Variants in RB1 observed in about 807,000 individuals in gnomAD.
The protein encoded by RB1 is retinoblastoma-associated protein.
In RB1, 18 loss-of-function variants were observed where a neutral mutation model predicts 135.4. The ratio of observed to expected loss-of-function variants is 0.13; its 90% CI spans 0.09 to 0.20. The LOEUF (loss-of-function observed/expected upper bound fraction) is 0.20, where lower values mean the gene tolerates loss of function less well. Ranked by LOEUF, RB1 falls within the 10% of genes least tolerant of loss-of-function variation. The pLI is 1.00. For missense variants in RB1, 868 were observed against 1,110.0 expected (o/e 0.78, Z 3.10); for synonymous variants, 365 against 373.2 (o/e 0.98, Z 0.25).
rs1952213865 is a variant in RB1 at position 48,319,296 on chromosome 13, C to T, written c.264+11890C>T. On this transcript the variant is annotated intron_variant, in intron 2 of 26. Transcript: ENST00000267163. This position sits in a 1 kb window ranked among gnomAD's most constrained non-coding sequence, Gnocchi z 5.0. ...TGCTGTGTGCGGGGTCAGGCGTCCT[C>T]TCTCCTCCCGGCGCTGGGCCCTCTG... The T allele has an allele frequency of 4.3e-6, 3 of 691,376 alleles. No homozygotes were observed. The highest frequency in any genetic ancestry group is 1.8e-5 in the African/African-American group (1 of 54,646). 42.8% of individuals were successfully genotyped at this position (691,376 alleles called of 1,614,324 possible).
intron 17 of RB1, among the ~76,000 whole-genome samples, chr13:48,395,453 A>C (rs1055102540): frequency 6.6e-6 from 1 of 152,170 alleles, no homozygotes; most frequent in Admixed American, 6.5e-5. Context: ...CCATGTTCTA[A>C]CCCAATGCAA....
intron 2 of RB1, chr13:48,317,519 C>T (rs935216922): frequency 2.2e-5 from 10 of 446,570 alleles, no homozygotes; most frequent in Admixed American, 2.1e-4. Context: ...CCCCCAGCAC[C>T]TCCGGCCTCG....
intron 2 of RB1, chr13:48,318,250 G>C: frequency 1.3e-6 from 1 of 765,346 alleles, no homozygotes. Context: ...TTAAGCACCG[G>C]CGGGCTTCTG....
At chr13:48,331,864 A>G (rs1952339508) in intron 2 of RB1, among the ~76,000 whole-genome samples, 1 of 152,226 alleles carries the variant, frequency 6.6e-6, no homozygotes, top group African/African-American at 2.4e-5. Context: ...CATTAGATGT[A>G]TAGATAAAAT....
At chr13:48,336,551 T>G (rs1952387224) in intron 2 of RB1, among the ~76,000 whole-genome samples, 2 of 152,112 alleles carry the variant, frequency 1.3e-5, no homozygotes, top group African/African-American at 4.8e-5. Flanking sequence ...TCATTTTTTA[T>G]TGCATCTATT....
chr13:48,380,176 A>G lies in RB1; in HGVS notation c.1433A>G (p.Asn478Ser). The change falls in exon 16 of 27, where the codon AAT (asparagine) becomes AGT (serine). Residue 478 changes from asparagine (N) to serine (S), a missense_variant. Transcript: ENST00000267163. Reference protein sequence around the residue: ...LSIQNFSKLLNDNIFHMSLLA... With the variant: ...LSIQNFSKLLSDNIFHMSLLA... Reference sequence around the variant, plus strand: ...TTTTTTTCCTTTAGCAAACTTCTGAATGACAACATTTTTCATATGTCTTTA... The same window carrying G: ...TTTTTTTCCTTTAGCAAACTTCTGAGTGACAACATTTTTCATATGTCTTTA... 6.3e-7 allele frequency: 1 copy of G among 1,595,226 alleles called. No homozygotes were observed. Among genetic ancestry groups the G allele is most frequent in the Non-Finnish European group, 8.5e-7 (1 of 1,170,844 alleles).
At chr13:48,306,770 A>C (rs1304272893) in intron 1 of RB1, among the ~76,000 whole-genome samples, 1 of 152,236 alleles carries the variant, frequency 6.6e-6, no homozygotes, top group Non-Finnish European at 1.5e-5. Flanking sequence ...ATTAGCCAAC[A>C]AGAATTTATT....
chr13:48,473,486 C>A, intron 24 of RB1, 96 bp downstream of exon 24: 1 of 1,014,382 alleles, frequency 9.9e-7, no homozygotes, highest in East Asian at 2.4e-5. Flanking sequence ...TGCAGTTATT[C>A]AAACACCTCA....
At chr13:48,435,291 A>G (rs983373043) in intron 17 of RB1, among the ~76,000 whole-genome samples, 4 of 152,126 alleles carry the variant, frequency 2.6e-5, no homozygotes, top group Non-Finnish European at 5.9e-5. Flanking sequence ...TGAGGTTATA[A>G]TTTGCATTTC....
intron 17 of RB1, among the ~76,000 whole-genome samples, chr13:48,431,402 A>T (rs966200111): frequency 6.6e-6 from 1 of 152,180 alleles, no homozygotes; most frequent in African/African-American, 2.4e-5. Context: ...ACATATTTTG[A>T]CTTTAGGCAT....
rs965922563 is a variant in RB1 at position 48,318,523 on chromosome 13, C to T, written c.264+11117C>T. The T allele has an allele frequency of 4.2e-6, 4 of 943,446 alleles. No individual in the cohort carries two copies. In the African/African-American group the frequency reaches 5.0e-5, roughly 12 times the overall value. 58.4% of individuals were successfully genotyped at this position (943,446 alleles called of 1,614,324 possible). A position where few individuals can be genotyped will look rare whatever the true frequency, so the allele number is the denominator to read the frequency against. ...TGCGTCATGCGAGTGTCGCCGGGCC[C>T]CTTGGCTGCGCCCTCCCCTCCCGGG... is the stretch of plus-strand genomic sequence containing the variant. On this transcript the variant is annotated intron_variant, in intron 2 of 26. Coordinates refer to ENST00000267163, the MANE Select transcript of RB1 (RefSeq NM_000321.3).
intron 17 of RB1, among the ~76,000 whole-genome samples, chr13:48,419,465 C>T (rs1264832293): frequency 6.6e-6 from 1 of 151,996 alleles, no homozygotes; most frequent in Non-Finnish European, 1.5e-5. Flanking sequence ...CCTAACATCA[C>T]AATTAAAAGA....
chr13:48,428,421 G>T (rs9535031), intron 17 of RB1, among the ~76,000 whole-genome samples: 12,164 of 35,700 alleles, frequency 0.34, 796 homozygotes, highest in South Asian at 0.47. Flanking sequence ...GCATTGGGGA[G>T]CACATTTCAA....
chr13:48,473,705 G>A (rs938534779), intron 24 of RB1, among the ~76,000 whole-genome samples: 5 of 152,104 alleles, frequency 3.3e-5, no homozygotes, highest in Non-Finnish European at 7.4e-5. Flanking sequence ...ATCACCAAAT[G>A]TGTGAGATTT....
chr13:48,323,771 T>G (rs1245477918), intron 2 of RB1, among the ~76,000 whole-genome samples: 1 of 152,118 alleles, frequency 6.6e-6, no homozygotes, highest in African/African-American at 2.4e-5. Context: ...GGAAGAAATC[T>G]TTGGTCCAAG....
intron 6 of RB1, among the ~76,000 whole-genome samples, chr13:48,353,149 C>G (rs1952563280): frequency 6.6e-6 from 1 of 151,448 alleles, no homozygotes; most frequent in African/African-American, 2.4e-5. Context: ...TGCAAAAGAT[C>G]AATGAAACAA....
chr13:48,382,425 G>A (rs1435425657), intron 17 of RB1, among the ~76,000 whole-genome samples: 2 of 152,112 alleles, frequency 1.3e-5, no homozygotes, highest in Non-Finnish European at 2.9e-5. Context: ...TTGTGGTTTT[G>A]ATTTGCATTT....
chr13:48,481,642 C>A lies in RB1; in HGVS notation c.*1571C>A, dbSNP rs1949538996. The A allele has an allele frequency of 8.7e-6, 2 of 231,048 alleles. No homozygotes were observed. Among genetic ancestry groups the A allele is most frequent in the African/African-American group, 2.2e-5 (1 of 45,208 alleles). The allele number at this position is 231,048 out of a possible 1,614,324, so 14.3% of individuals were successfully genotyped here. On this transcript the variant is annotated 3_prime_UTR_variant, in exon 27 of 27. Transcript: ENST00000267163. ...GTTTCTGCATGAATATCATACAAAT[C>A]AGTTAGTTTTTAGGTCAAGGGCTTA...
chr13:48,376,505 A>G (rs2138135549), intron 12 of RB1, among the ~76,000 whole-genome samples: 1 of 152,002 alleles, frequency 6.6e-6, no homozygotes, highest in African/African-American at 2.4e-5. Flanking sequence ...ATCTCAAAAA[A>G]AAAAAAAAAA....
Sources: allele counts gnomAD v4.1 joint callset (sites outside exome capture counted in the v4.1 genomes callset), GRCh38; gene constraint gnomAD v4.1.1; non-coding constraint Gnocchi (gnomAD v3.1); transcripts MANE v1.5; gene names NCBI Gene and HGNC (gene_info 2026-07-23, HGNC 2026-07-21).